The following COL4A2 variants were observed in gnomAD, a reference collection of about 807,000 sequenced individuals.
The protein encoded by COL4A2 is collagen type IV alpha 2 chain, also known as collagen alpha-2(IV) chain.
A neutral mutation model predicts 200.2 loss-of-function variants in COL4A2; 99 were observed. The observed-to-expected ratio is 0.49, with a 90% CI of 0.42 to 0.58. The LOEUF (loss-of-function observed/expected upper bound fraction) is 0.58. Ranked by LOEUF, COL4A2 falls within the 20% of genes least tolerant of loss-of-function variation. COL4A2 has a pLI of 0.00. For missense variants in COL4A2, 1,950 were observed against 2,314.1 expected, an observed-to-expected ratio of 0.84 and a Z score of 3.23; for synonymous variants, 897 against 900.6, an observed-to-expected ratio of 1.00 and a Z score of 0.07.
chr13:110,495,692 C>T lies in COL4A2; in HGVS notation c.3760+225C>T, dbSNP rs375545555. On this transcript the variant is annotated intron_variant, in intron 40 of 47. Transcript: ENST00000360467. ...TTAGTGAGGCACTGACCACCCATCC[C>T]GTGGAGTAACTGATAAGCTCCCTGG... Among the ~76,000 whole-genome samples, 4 of 152,298 alleles carry T rather than the reference C, an allele frequency of 2.6e-5. No homozygotes were observed. The highest frequency in any genetic ancestry group is 3.9e-4 in the East Asian group (2 of 5,182).
chr13:110,489,288 GA>G (rs1883206526), intron 34 of COL4A2, among the ~76,000 whole-genome samples, 156 bp from the exon 35 acceptor site: 1 of 152,180 alleles, frequency 6.6e-6, no homozygotes, highest in Non-Finnish European at 1.5e-5. Flanking sequence ...AACCGCCTAT[GA>G]TACACACTAA....
chr13:110,495,595 G>C, intron 40 of COL4A2, 128 bp downstream of exon 40: 1 of 1,235,100 alleles, frequency 8.1e-7, no homozygotes. Context: ...GGTTTTTCTG[G>C]GGAGGACTAC....
At chr13:110,360,516 T>C (rs910057108) in intron 4 of COL4A2, among the ~76,000 whole-genome samples, 7 of 152,214 alleles carry the variant, frequency 4.6e-5, no homozygotes, top group Non-Finnish European at 1.0e-4. Context: ...CCCAAGACTC[T>C]GTGATTTCAC....
In COL4A2 at chr13:110,458,776, G is replaced by A. The variant is rs561067393; in HGVS notation, c.1438G>A (p.Ala480Thr). 6.4e-5 allele frequency: 103 copies of A among 1,614,048 alleles called. 1 individual carries two copies. In the South Asian group the frequency reaches 7.6e-4, roughly 12 times the overall value. Residue 480 changes from alanine (A) to threonine (T), a missense_variant, in exon 22 of 48, where the codon GCT becomes ACT. By Grantham distance (58) the Ala-to-Thr change is moderately conservative. Transcript: ENST00000360467. ...ARGPKGWKGD[A>T]GECRCTEGDE... is the part of the protein sequence containing the mutation. ...CTCCTCTCCCTCCTCTGCAGGTGAC[G>A]CTGGGGAATGCAGATGTACAGAAGG...
chr13:110,365,452 T>C (rs753546349), intron 4 of COL4A2, among the ~76,000 whole-genome samples: 3 of 152,218 alleles, frequency 2.0e-5, no homozygotes, highest in Non-Finnish European at 4.4e-5. Context: ...GGCATTTTCT[T>C]TAATTAGAAC....
At position 110,462,174 on chromosome 13, in the gene COL4A2, A is replaced by G; in HGVS notation, c.1657A>G (p.Ile553Val). Residue 553 changes from isoleucine to valine, a missense_variant, in exon 23 of 48, where the codon ATC becomes GTC. By Grantham distance (29) the Ile-to-Val change is conservative (BLOSUM62 3). Around this residue, in one of 2 missense-constraint regions of COL4A2, gnomAD observed 1,385 missense variants for 1,720.5 expected, o/e 0.80. Coordinates refer to ENST00000360467, the MANE Select transcript of COL4A2 (RefSeq NM_001846.4). ...PKGAKGDSRT[I>V]TTKGERGQPG... ...AGGAGCAAAAGGAGATTCCAGAACA[A>G]TCACAACCAAAGGTGAGTTCCTCTC... 2 of 1,614,272 alleles carry G rather than the reference A, an allele frequency of 1.2e-6. No homozygotes were observed. Among genetic ancestry groups the G allele is most frequent in the East Asian group, 2.2e-5 (1 of 44,886 alleles).
chr13:110,414,810 G>T (rs1475576643), intron 4 of COL4A2, among the ~76,000 whole-genome samples: 2 of 152,216 alleles, frequency 1.3e-5, no homozygotes, highest in African/African-American at 4.8e-5. Context: ...CAAGACAAAG[G>T]TTGTTTTTGT....
At chr13:110,456,600 AAAT>A (rs1881742308) in intron 20 of COL4A2, 1 of 370,800 alleles carries the variant, frequency 2.7e-6, no homozygotes, top group African/African-American at 2.1e-5. Context: ...TATCGCCACA[AAAT>A]AGTCTAAGTT....
At chr13:110,484,793 T>G in intron 32 of COL4A2, 112 bp from the exon 33 acceptor site, 1 of 1,416,024 alleles carries the variant, frequency 7.1e-7, no homozygotes, top group Non-Finnish European at 9.4e-7. Context: ...CTCCAAGGCT[T>G]CCCTGCTTGG....
chr13:110,448,735 G>C (rs553150917), intron 18 of COL4A2, among the ~76,000 whole-genome samples: 1 of 152,148 alleles, frequency 6.6e-6, no homozygotes, highest in Non-Finnish European at 1.5e-5. Context: ...TGGCTAACAG[G>C]AGTGTAGGTC....
At chr13:110,361,993 G>A (rs1282323299) in intron 4 of COL4A2, among the ~76,000 whole-genome samples, 1 of 152,180 alleles carries the variant, frequency 6.6e-6, no homozygotes, top group Non-Finnish European at 1.5e-5. Context: ...CTCAAGTCTG[G>A]GGACTTAGAC....
chr13:110,498,144 C>T (rs982972468), intron 40 of COL4A2, among the ~76,000 whole-genome samples: 2 of 152,258 alleles, frequency 1.3e-5, no homozygotes, highest in Admixed American at 1.3e-4. Flanking sequence ...ACCATGTGAC[C>T]TTGGCCATGG....
At chr13:110,506,392 T>A in intron 45 of COL4A2, 23 bp from the exon 46 acceptor site, 1 of 1,592,142 alleles carries the variant, frequency 6.3e-7, no homozygotes, top group Non-Finnish European at 8.6e-7. Context: ...GGCCGTCCAC[T>A]CTCTCTCTTT....
chr13:110,426,655 A>G (rs1487901103), intron 6 of COL4A2, among the ~76,000 whole-genome samples: 1 of 152,268 alleles, frequency 6.6e-6, no homozygotes, highest in Non-Finnish European at 1.5e-5. Context: ...TTAGCTCAAT[A>G]TAACTGAAAT....
chr13:110,396,304 T>C (rs893431225), intron 4 of COL4A2, among the ~76,000 whole-genome samples: 1 of 152,240 alleles, frequency 6.6e-6, no homozygotes, highest in Non-Finnish European at 1.5e-5. Context: ...TTGAGAACGA[T>C]TTTTAACAAC....
At chr13:110,312,290 G>A (rs1298803476) in intron 3 of COL4A2, among the ~76,000 whole-genome samples, 1 of 152,196 alleles carries the variant, frequency 6.6e-6, no homozygotes, top group African/African-American at 2.4e-5. Flanking sequence ...TGGGTAGGAA[G>A]GGTAAACCGA....
chr13:110,387,271 C>T (rs1878793642), intron 4 of COL4A2, among the ~76,000 whole-genome samples: 3 of 152,182 alleles, frequency 2.0e-5, no homozygotes, highest in African/African-American at 7.2e-5. Context: ...AAAGGAGCGA[C>T]TGATACCCAC....
rs1384735582 is a variant in COL4A2, at chr13:110,307,748, T to A, written c.-44-112T>A. 9.8e-7 allele frequency: 1 copy of A among 1,024,292 alleles called. No individual in the cohort carries two copies. The highest frequency in any genetic ancestry group is 1.4e-6 in the Non-Finnish European group (1 of 716,366). The allele number at this position is 1,024,292 out of a possible 1,614,324, so 63.5% of individuals were successfully genotyped here. A position where few individuals can be genotyped will look rare whatever the true frequency, so the allele number is the denominator to read the frequency against. On this transcript the variant is annotated intron_variant, in intron 1 of 47. Coordinates refer to ENST00000360467, the MANE Select transcript of COL4A2 (RefSeq NM_001846.4). The surrounding 1 kb of genome is among the most constrained non-coding windows in gnomAD (Gnocchi z 5.0). ...GGGGGGACGGCCCTCCGGTCACCCCTGCATGCGGGCCGCGCACCGCGCTGT... is the reference window on the plus strand; with the variant it reads ...GGGGGGACGGCCCTCCGGTCACCCCAGCATGCGGGCCGCGCACCGCGCTGT...
chr13:110,503,941 C>T lies in COL4A2; in HGVS notation c.4233C>T (p.Gly1411=), dbSNP rs756353057. ...CAGTGGGTCCCCAGGGGAGGCGAGG[C>T]CCCCCTGGGGCACCGGGGGAGATGG... is the stretch of plus-strand genomic sequence containing the variant. ...PGTVGPQGRR[G]PPGAPGEMGP... The change falls in exon 44 of 48, where the codon GGC becomes GGT. Residue 1411 remains glycine, a synonymous_variant. Transcript: ENST00000360467. 36 of 1,580,504 alleles carry T rather than the reference C, an allele frequency of 2.3e-5. No individual in the cohort carries two copies. The highest frequency in any genetic ancestry group is 9.0e-5 in the South Asian group (8 of 88,796).
Sources: gnomAD v4.1 joint callset for allele counts (sites outside exome capture counted in the v4.1 genomes callset) on GRCh38, gnomAD v4.1.1 for gene constraint, gnomAD v4.1.1 regional missense constraint, Gnocchi (gnomAD v3.1) non-coding constraint, MANE v1.5 for transcripts, NCBI Gene and HGNC (gene_info 2026-07-23, HGNC 2026-07-21) for gene names.